The following TNC variants were observed in gnomAD, a reference collection of about 807,000 sequenced individuals.
The protein encoded by TNC is tenascin.
TNC carries 109 observed loss-of-function variants against 202.4 expected under a neutral mutation model. That is an observed-to-expected ratio of 0.54 (90% CI 0.46 to 0.63). TNC has a LOEUF of 0.63. TNC is among the 30% of genes least tolerant of loss of function. The probability of loss-of-function intolerance (pLI) is 0.00; values close to 1 mark genes in which losing one functional copy is unlikely to be tolerated. For missense variants in TNC, 2,756 were observed against 2,833.3 expected (o/e 0.97, Z 0.62); for synonymous variants, 1,007 against 1,089.7 (o/e 0.92, Z 1.50).
At chr9:115,110,868 G>A (rs1220932481) in intron 1 of TNC, among the ~76,000 whole-genome samples, 1 of 139,220 alleles carries the variant, frequency 7.2e-6, no homozygotes, top group Non-Finnish European at 1.5e-5. Context: ...CCACTTTAGT[G>A]GCTGCCAGAA....
chr9:115,026,479 A>T (rs1289727032), intron 26 of TNC, 55 bp downstream of exon 26: 8 of 1,558,934 alleles, frequency 5.1e-6, no homozygotes, highest in African/African-American at 1.4e-5. Flanking sequence ...ATAAACTGTA[A>T]ATGTCAAGAA....
chr9:115,087,700 T>TTTTC, intron 2 of TNC, among the ~76,000 whole-genome samples: 2 of 17,704 alleles, frequency 1.1e-4, no homozygotes, highest in Non-Finnish European at 1.2e-4. Flanking sequence ...TTTCTTTTCT[T>TTTTC]TTTTTTTTTT....
At chr9:115,075,996 C>A in intron 9 of TNC, 36 bp downstream of exon 9, 2 of 1,577,270 alleles carry the variant, frequency 1.3e-6, no homozygotes, top group Non-Finnish European at 1.7e-6. Context: ...TGCCCAGCAC[C>A]AGCTCAGTGG....
rs987060881 is a variant in TNC, at chr9:115,090,875, C to A, written c.144G>T (p.Val48=). 7 of 1,614,210 alleles carry A rather than the reference C, an allele frequency of 4.3e-6. No individual in the cohort carries two copies. In the African/African-American group the frequency reaches 9.3e-5, roughly 22 times the overall value. Residue 48 remains valine, a synonymous_variant, in exon 2 of 28, where the codon GTG becomes GTT. Transcript: ENST00000350763. Reference sequence around the variant, plus strand: ...TGATGTTGTAAACGTGGTTAAACACCACTGGCTGGTTCTCTTCTGGCAGGG... The same window carrying A: ...TGATGTTGTAAACGTGGTTAAACACAACTGGCTGGTTCTCTTCTGGCAGGG... ...NATLPEENQP[V]VFNHVYNIKL...
intron 18 of TNC, 96 bp from the exon 19 acceptor site, chr9:115,041,180 A>T: frequency 7.3e-7 from 1 of 1,362,820 alleles, no homozygotes; most frequent in Non-Finnish European, 9.9e-7. Context: ...TAGAAATGAA[A>T]CTATATCTTC....
chr9:115,050,435 C>A (rs1324485907), intron 15 of TNC, among the ~76,000 whole-genome samples: 2 of 152,060 alleles, frequency 1.3e-5, no homozygotes, highest in Non-Finnish European at 2.9e-5. Flanking sequence ...GCCATTTCTC[C>A]CCTCCTGAGG....
At chr9:115,092,833 G>T (rs1205531143) in intron 1 of TNC, among the ~76,000 whole-genome samples, 1 of 151,114 alleles carries the variant, frequency 6.6e-6, no homozygotes, top group African/African-American at 2.4e-5. Flanking sequence ...CAATCCACTT[G>T]CCTCAACTTC....
At chr9:115,097,388 T>C (rs1175882746) in intron 1 of TNC, among the ~76,000 whole-genome samples, 1 of 152,136 alleles carries the variant, frequency 6.6e-6, no homozygotes, top group Admixed American at 6.5e-5. Flanking sequence ...GCAGCGGTAA[T>C]AACAACACTG....
chr9:115,052,732 T>C (rs12683163), intron 15 of TNC: 14,814 of 699,032 alleles, frequency 0.021, 688 homozygotes, highest in Admixed American at 0.11. Flanking sequence ...GAACCTCTGA[T>C]TGAGTACCTG....
chr9:115,025,481 T>G (rs1829406268), intron 26 of TNC, among the ~76,000 whole-genome samples: 1 of 152,188 alleles, frequency 6.6e-6, no homozygotes, highest in Non-Finnish European at 1.5e-5. Context: ...CTATCTCTTC[T>G]GCTCTCACAA....
At chr9:115,076,161 C>CAG (rs1833834364) in intron 8 of TNC, 40 bp from the exon 9 acceptor site, 1 of 1,584,634 alleles carries the variant, frequency 6.3e-7, no homozygotes. Flanking sequence ...ATCCTGAAAT[C>CAG]AGAGAGACTT....
In TNC at chr9:115,019,904, T is replaced by C. The variant is rs1056908345; in HGVS notation, c.*1253A>G. On this transcript the variant is annotated 3_prime_UTR_variant, in exon 28 of 28. Coordinates refer to ENST00000350763, the MANE Select transcript of TNC (RefSeq NM_002160.4). ...GATCTTAGCCCATGTGTGGTAACAA[T>C]ACTTACCTCAACTATATCATAGAGT... 1.3e-5 allele frequency: 2 copies of C among 152,236 alleles called. No homozygotes were observed. Among genetic ancestry groups the C allele is most frequent in the African/African-American group, 2.4e-5 (1 of 41,460 alleles). 9.4% of individuals were successfully genotyped at this position (152,236 alleles called of 1,614,324 possible).
chr9:115,092,876 G>T (rs906690339), intron 1 of TNC, among the ~76,000 whole-genome samples: 1 of 151,786 alleles, frequency 6.6e-6, no homozygotes, highest in Non-Finnish European at 1.5e-5. Context: ...ATGAGCCACC[G>T]TGCCTGGCTG....
chr9:115,103,549 A>G (rs12004479), intron 1 of TNC, among the ~76,000 whole-genome samples: 4,714 of 152,224 alleles, frequency 0.031, 224 homozygotes, highest in African/African-American at 0.11. Context: ...TCTGACCAAC[A>G]GGGTCATTGT....
chr9:115,046,468 T>C lies in TNC; in HGVS notation c.5067A>G (p.Glu1689=), dbSNP rs1831201420. Residue 1689 remains glutamate, a synonymous_variant, in exon 17 of 28, where the codon GAA becomes GAG. Coordinates refer to ENST00000350763, the MANE Select transcript of TNC (RefSeq NM_002160.4). ...GLREATEYEI[E]LYGISKGRRS... is the part of the protein sequence containing the mutation. ...GCCTTCCTTTGCTTATTCCATAGAG[T>C]TCAATTTCGTATTCAGTAGCCTCTC... 1 of 1,614,000 alleles carries C rather than the reference T, an allele frequency of 6.2e-7. No individual in the cohort carries two copies. Among genetic ancestry groups the C allele is most frequent in the Non-Finnish European group, 8.5e-7 (1 of 1,179,996 alleles).
At chr9:115,096,278 C>A (rs529740987) in intron 1 of TNC, among the ~76,000 whole-genome samples, 1 of 152,180 alleles carries the variant, frequency 6.6e-6, no homozygotes, top group Non-Finnish European at 1.5e-5. Context: ...GTCTTGAATT[C>A]GAAGTGCTCT....
At chr9:115,053,508 G>T (rs1831866395) in intron 15 of TNC, among the ~76,000 whole-genome samples, 1 of 152,184 alleles carries the variant, frequency 6.6e-6, no homozygotes, top group African/African-American at 2.4e-5. Flanking sequence ...TGACAGGCTG[G>T]TTCTGTCAGT....
chr9:115,049,405 G>A (rs906328015), intron 15 of TNC, among the ~76,000 whole-genome samples: 1 of 152,122 alleles, frequency 6.6e-6, no homozygotes, highest in Non-Finnish European at 1.5e-5. Context: ...CAGTAAGGTA[G>A]ATATTGCTAC....
intron 27 of TNC, among the ~76,000 whole-genome samples, chr9:115,021,644 G>C (rs1564395257): frequency 1.3e-5 from 2 of 151,488 alleles, no homozygotes; most frequent in Non-Finnish European, 2.9e-5. Context: ...CTACATACAT[G>C]GTGTGTGTGT....
Sources: allele counts gnomAD v4.1 joint callset (sites outside exome capture counted in the v4.1 genomes callset), GRCh38; gene constraint gnomAD v4.1.1; transcripts MANE v1.5; gene names NCBI Gene and HGNC (gene_info 2026-07-23, HGNC 2026-07-21).